The following JMJD1C variants were observed in gnomAD, a reference collection of about 807,000 sequenced individuals.
JMJD1C encodes jumonji domain-containing protein 1C.
Under a neutral mutation model 245.3 loss-of-function variants are expected in JMJD1C, and 31 were observed. That is an observed-to-expected ratio of 0.13 (90% confidence interval 0.09 to 0.17). The LOEUF is 0.17. Among genes scored for constraint, JMJD1C ranks in the 10% least tolerant of loss-of-function variants. JMJD1C has a pLI of 1.00. For synonymous variants in JMJD1C, 1,057 were observed against 1,017.4 expected (o/e 1.04, Z -0.74); for missense variants, 2,691 against 3,000.2 (o/e 0.90, Z 2.41).
intron 1 of JMJD1C, among the ~76,000 whole-genome samples, chr10:63,429,588 A>G (rs910246877): frequency 2.6e-5 from 4 of 152,210 alleles, no homozygotes. Context: ...TTTGAGATTC[A>G]AGGCAAAATT....
chr10:63,177,753 C>T lies in JMJD1C; in HGVS notation c.7188G>A (p.Gly2396=). 6.2e-7 allele frequency: 1 copy of T among 1,614,042 alleles called. No individual in the cohort carries two copies. The highest frequency in any genetic ancestry group is 8.5e-7 in the Non-Finnish European group (1 of 1,179,958). The part of the protein sequence containing the change: ...IPGALWHIYA[G]KDVDKIREFL... The stretch of plus-strand genomic sequence containing the variant: ...ATTCCCTTATCTTGTCAACATCTTT[C>T]CCAGCATAAATATGCCACAGAGCAC... Residue 2396 remains glycine (G), a synonymous_variant, in exon 23 of 26, where the codon GGG becomes GGA. Transcript: ENST00000399262.
intron 2 of JMJD1C, among the ~76,000 whole-genome samples, chr10:63,353,518 CTTTT>C (rs1359014741): frequency 2.0e-5 from 3 of 151,996 alleles, no homozygotes; most frequent in Admixed American, 6.6e-5. Flanking sequence ...CTTTGGGAAT[CTTTT>C]TTGTTTTTTG....
At chr10:63,269,014 G>A (rs1343882476) in intron 2 of JMJD1C, 3 of 985,266 alleles carry the variant, frequency 3.0e-6, no homozygotes, top group East Asian at 1.1e-4. Context: ...TGGTGTTAAC[G>A]ACTAAGAAAT....
At chr10:63,378,746 C>T (rs1554910585) in intron 2 of JMJD1C, among the ~76,000 whole-genome samples, 1 of 152,114 alleles carries the variant, frequency 6.6e-6, no homozygotes, top group Non-Finnish European at 1.5e-5. Context: ...CATAATTTCT[C>T]ATAAATTGTA....
chr10:63,198,075 A>G (rs1188390079), intron 12 of JMJD1C, among the ~76,000 whole-genome samples: 1 of 152,258 alleles, frequency 6.6e-6, no homozygotes, highest in East Asian at 1.9e-4. Context: ...TAATTAACAT[A>G]ACTACTTTCT....
chr10:63,457,359 A>C (rs1589784519), intron 1 of JMJD1C, among the ~76,000 whole-genome samples: 2 of 152,220 alleles, frequency 1.3e-5, no homozygotes, highest in South Asian at 4.1e-4. Flanking sequence ...AATAAATTAT[A>C]CTTTAAACAC....
At chr10:63,425,118 T>C (rs1252404397) in intron 1 of JMJD1C, among the ~76,000 whole-genome samples, 1 of 151,998 alleles carries the variant, frequency 6.6e-6, no homozygotes, top group East Asian at 1.9e-4. Flanking sequence ...CCTTATTTTC[T>C]GGGAAAAAAA....
chr10:63,212,190 T>C (rs180876743), intron 8 of JMJD1C, among the ~76,000 whole-genome samples: 1 of 152,184 alleles, frequency 6.6e-6, no homozygotes, highest in Admixed American at 6.5e-5. Flanking sequence ...TAGTGTTTAA[T>C]GGCTATAGTT....
At chr10:63,479,791 G>A (rs1246332695) in intron 1 of JMJD1C, among the ~76,000 whole-genome samples, 2 of 152,152 alleles carry the variant, frequency 1.3e-5, no homozygotes, top group East Asian at 3.9e-4. Flanking sequence ...ATTACATTAG[G>A]ACACACATAA....
chr10:63,288,321 T>C (rs916988696), intron 2 of JMJD1C, among the ~76,000 whole-genome samples: 1 of 152,260 alleles, frequency 6.6e-6, no homozygotes. Flanking sequence ...CATAGCTTAA[T>C]AGCACATTTC....
At chr10:63,408,735 A>G (rs1485542459) in intron 1 of JMJD1C, among the ~76,000 whole-genome samples, 4 of 151,794 alleles carry the variant, frequency 2.6e-5, no homozygotes, top group African/African-American at 9.7e-5. Context: ...TTAAAGGAGT[A>G]AGATATACTC....
At chr10:63,450,509 T>C (rs569788736) in intron 1 of JMJD1C, among the ~76,000 whole-genome samples, 1 of 152,188 alleles carries the variant, frequency 6.6e-6, no homozygotes, top group South Asian at 2.1e-4. Flanking sequence ...ATTGCTGGAA[T>C]GCGAGGATGG....
intron 16 of JMJD1C, among the ~76,000 whole-genome samples, 180 bp downstream of exon 16, chr10:63,192,758 G>C (rs1161657630): frequency 6.6e-6 from 1 of 151,882 alleles, no homozygotes; most frequent in African/African-American, 2.4e-5. Flanking sequence ...AAAAACAACA[G>C]GCTAGTTCCT....
At chr10:63,483,169 T>C (rs557163602) in intron 1 of JMJD1C, among the ~76,000 whole-genome samples, 46 of 152,320 alleles carry the variant, frequency 3.0e-4, no homozygotes, top group Non-Finnish European at 5.0e-4. Context: ...CAAGTAATTA[T>C]CTGAGAAATT....
chr10:63,520,544 A>T (rs1299654520), intron 1 of JMJD1C, among the ~76,000 whole-genome samples: 1 of 151,648 alleles, frequency 6.6e-6, no homozygotes, highest in African/African-American at 2.4e-5. Context: ...TCTGCCCTTG[A>T]AATGATATTT....
chr10:63,375,996 A>C (rs1589617312), intron 2 of JMJD1C, among the ~76,000 whole-genome samples: 1 of 152,206 alleles, frequency 6.6e-6, no homozygotes, highest in Non-Finnish European at 1.5e-5. Context: ...TATCCTGAGA[A>C]AGAAGAAAGT....
At chr10:63,387,768 T>C (rs1322479493) in intron 1 of JMJD1C, among the ~76,000 whole-genome samples, 1 of 149,624 alleles carries the variant, frequency 6.7e-6, no homozygotes, top group African/African-American at 2.5e-5. Context: ...CCGGAGTAGC[T>C]GGGACTACAG....
At chr10:63,225,673 G>A (rs1393169492) in intron 3 of JMJD1C, among the ~76,000 whole-genome samples, 1 of 152,074 alleles carries the variant, frequency 6.6e-6, no homozygotes, top group African/African-American at 2.4e-5. Flanking sequence ...CAGCTACTGG[G>A]GAGGCTGAGG....
chr10:63,456,966 T>C (rs1169444458), intron 1 of JMJD1C, among the ~76,000 whole-genome samples: 5 of 152,148 alleles, frequency 3.3e-5, no homozygotes, highest in Non-Finnish European at 5.9e-5. Flanking sequence ...TAAGACATTA[T>C]TTGCCTTTTC....
Sources: allele counts gnomAD v4.1 joint callset (sites outside exome capture counted in the v4.1 genomes callset), GRCh38; gene constraint gnomAD v4.1.1; transcripts MANE v1.5; gene names NCBI Gene and HGNC (gene_info 2026-07-23, HGNC 2026-07-21).